MGAM2: variants seen among roughly 807,000 people sequenced by gnomAD.
The protein encoded by MGAM2 is probable maltase-glucoamylase 2.
A neutral mutation model predicts 96.1 loss-of-function variants in MGAM2; 98 were observed. That is an observed-to-expected ratio of 1.02 (90% confidence interval 0.87 to 1.21). The LOEUF is 1.21. MGAM2 is among the 50% of genes most tolerant of loss of function. The pLI is 0.00. For missense variants in MGAM2, 2,055 were observed against 1,182.4 expected, an observed-to-expected ratio of 1.74 and a Z score of -10.82; for synonymous variants, 749 against 414.8, an observed-to-expected ratio of 1.81 and a Z score of -9.79.
chr7:142,143,742 T>C, intron 12 of MGAM2, 27 bp from the exon 13 acceptor site: 2 of 549,728 alleles, frequency 3.6e-6, no homozygotes, highest in East Asian at 2.9e-5. Flanking sequence ...ACCAAGCTGA[T>C]TGCCACTGCC....
At position 142,140,782 on chromosome 7, in the gene MGAM2, T is replaced by C. The variant is rs1396333252; in HGVS notation, c.1087-20T>C. ...ACAGTGCTGTTTCCTAGGTTCTGAT[T>C]GACCAGAGCTCTCTTTCAGGATGTC... On this transcript the variant is annotated intron_variant, in intron 10 of 47. Coordinates refer to ENST00000477922, the MANE Select transcript of MGAM2 (RefSeq NM_001293626.2). 5.7e-6 allele frequency: 4 copies of C among 698,304 alleles called. No homozygotes were observed. The highest frequency in any genetic ancestry group is 1.0e-5 in the Non-Finnish European group (4 of 383,584). 43.3% of individuals were successfully genotyped at this position (698,304 alleles called of 1,614,324 possible).
intron 12 of MGAM2, among the ~76,000 whole-genome samples, chr7:142,141,943 G>A (rs1795243214): frequency 6.6e-6 from 1 of 152,112 alleles, no homozygotes; most frequent in Non-Finnish European, 1.5e-5. Flanking sequence ...AATCACATAG[G>A]CAATTTCAAT....
At chr7:142,146,148 T>A (rs1036765682) in intron 14 of MGAM2, among the ~76,000 whole-genome samples, 1 of 150,048 alleles carries the variant, frequency 6.7e-6, no homozygotes, top group Admixed American at 6.7e-5. Flanking sequence ...TCATGTTTTT[T>A]TTTTTTTTTT....
At chr7:142,115,144 G>C (rs1817345385) in intron 1 of MGAM2, among the ~76,000 whole-genome samples, 1 of 152,212 alleles carries the variant, frequency 6.6e-6, no homozygotes, top group Admixed American at 6.5e-5. Flanking sequence ...TTGAACCTGG[G>C]AGGTGGAGGT....
intron 28 of MGAM2, 116 bp downstream of exon 28, chr7:142,171,556 G>T (rs182872429): frequency 1.4e-5 from 7 of 508,688 alleles, no homozygotes; most frequent in African/African-American, 6.5e-5. Flanking sequence ...GATAAATTCC[G>T]CTCTCAGTTG....
At chr7:142,119,880 T>G (rs1467511485) in intron 2 of MGAM2, among the ~76,000 whole-genome samples, 1 of 152,168 alleles carries the variant, frequency 6.6e-6, no homozygotes, top group Non-Finnish European at 1.5e-5. Flanking sequence ...AATAGATGAG[T>G]GTTTGCCAGG....
chr7:142,149,937 T>C (rs1259980899), intron 15 of MGAM2, among the ~76,000 whole-genome samples: 2 of 151,594 alleles, frequency 1.3e-5, no homozygotes, highest in Admixed American at 6.6e-5. Context: ...TTTTTGAAGC[T>C]GTTAAATTCT....
chr7:142,120,078 A>G (rs1394413559), intron 2 of MGAM2, among the ~76,000 whole-genome samples: 1 of 152,248 alleles, frequency 6.6e-6, no homozygotes, highest in Non-Finnish European at 1.5e-5. Flanking sequence ...AAAAGCAAAC[A>G]AAGTAGAAAT....
At chr7:142,208,250 T>C in intron 45 of MGAM2, 1 of 499,618 alleles carries the variant, frequency 2.0e-6, no homozygotes, top group Middle Eastern at 3.0e-4. Context: ...TGAACTCCTA[T>C]GACTACATGC....
chr7:142,154,072 T>C lies in MGAM2; in HGVS notation c.1689T>C (p.Thr563=). 1 of 696,382 alleles carries C rather than the reference T, an allele frequency of 1.4e-6. No individual in the cohort carries two copies. The highest frequency in any genetic ancestry group is 2.6e-6 in the Non-Finnish European group (1 of 380,266). 43.1% of individuals were successfully genotyped at this position (696,382 alleles called of 1,614,324 possible). A position where few individuals can be genotyped will look rare whatever the true frequency, so the allele number is the denominator to read the frequency against. ...NNRSFILSRS[T]FAGSGKFAAH... ...GGAGCTTCATCTTATCCCGTTCTAC[T>C]TTTGCTGGATCTGGCAAATTTGCTG... The change falls in exon 16 of 48, where the codon ACT becomes ACC. Residue 563 remains threonine (T), a synonymous_variant. Transcript: ENST00000477922.
At chr7:142,161,325 T>A in intron 22 of MGAM2, 112 bp downstream of exon 22, 1 of 545,238 alleles carries the variant, frequency 1.8e-6, no homozygotes, top group South Asian at 2.7e-5. Flanking sequence ...CGTTTACATC[T>A]GTAGCTGAGA....
intron 31 of MGAM2, 69 bp from the exon 32 acceptor site, chr7:142,175,583 A>T: frequency 3.0e-6 from 2 of 675,798 alleles, no homozygotes; most frequent in Non-Finnish European, 5.3e-6. Context: ...GGGGCCTGGC[A>T]GAGCAGTTAA....
At chr7:142,203,808 C>G (rs144892407) in intron 45 of MGAM2, among the ~76,000 whole-genome samples, 71 of 152,190 alleles carry the variant, frequency 4.7e-4, no homozygotes, top group African/African-American at 1.6e-3. Context: ...AAGAATGAAA[C>G]TGAACCCTTA....
intron 1 of MGAM2, among the ~76,000 whole-genome samples, chr7:142,114,411 T>C (rs1817317119): frequency 6.6e-6 from 1 of 151,662 alleles, no homozygotes; most frequent in African/African-American, 2.4e-5. Flanking sequence ...GCATTTCCAG[T>C]GGAATGCAGA....
At position 142,147,451 on chromosome 7, in the gene MGAM2, T is replaced by C. The variant is rs1203841231; in HGVS notation, c.1517-5T>C. 1.4e-6 allele frequency: 1 copy of C among 700,580 alleles called. No homozygotes were observed. Among genetic ancestry groups the C allele is most frequent in the Non-Finnish European group, 2.6e-6 (1 of 384,282 alleles). The allele number at this position is 700,580 out of a possible 1,614,324, so 43.4% of individuals were successfully genotyped here. A position where few individuals can be genotyped will look rare whatever the true frequency, so the allele number is the denominator to read the frequency against. ...AGTGCCTCACTAATGAGTATTTCCC[T>C]CCAGGAGTTCTGGATCACTTACTTT... On this transcript the variant is annotated splice_polypyrimidine_tract_variant and splice_region_variant and intron_variant, in intron 14 of 47. Coordinates refer to ENST00000477922, the MANE Select transcript of MGAM2 (RefSeq NM_001293626.2).
chr7:142,138,767 G>C (rs1013674516), intron 10 of MGAM2, 100 bp downstream of exon 10: 2 of 617,804 alleles, frequency 3.2e-6, no homozygotes, highest in East Asian at 5.6e-5. Context: ...TAAATCATTA[G>C]ATTGATAGAC....
chr7:142,177,338 A>G (rs570250865), intron 32 of MGAM2, among the ~76,000 whole-genome samples: 1 of 152,260 alleles, frequency 6.6e-6, no homozygotes, highest in Admixed American at 6.5e-5. Context: ...GCAGGGAAAG[A>G]CCTGCCCCCG....
rs116401421 is a variant in MGAM2, at chr7:142,160,391, C to A, written c.2345+133C>A. Reference sequence around the variant, plus strand: ...ACCCATCAGTAATCTTCCCCCACTCCTTTCAAAATTGATCCAAAATTGGCA... The same window carrying A: ...ACCCATCAGTAATCTTCCCCCACTCATTTCAAAATTGATCCAAAATTGGCA... On this transcript the variant is annotated intron_variant, in intron 21 of 47. Coordinates refer to ENST00000477922, the MANE Select transcript of MGAM2 (RefSeq NM_001293626.2). The A allele has an allele frequency of 5.8e-3, 3,245 of 558,748 alleles. 84 individuals are homozygous for A. The highest frequency in any genetic ancestry group is 0.054 in the African/African-American group (2,860 of 53,022). The allele number at this position is 558,748 out of a possible 1,614,324, so 34.6% of individuals were successfully genotyped here. A position where few individuals can be genotyped will look rare whatever the true frequency, so the allele number is the denominator to read the frequency against.
chr7:142,189,662 T>C (rs1232710553), intron 37 of MGAM2, among the ~76,000 whole-genome samples, 157 bp downstream of exon 37: 3 of 152,252 alleles, frequency 2.0e-5, no homozygotes, highest in African/African-American at 4.8e-5. Context: ...TCTGAGCGCA[T>C]TTATCAAGTG....
Sources: gnomAD v4.1 joint callset for allele counts (sites outside exome capture counted in the v4.1 genomes callset) on GRCh38, gnomAD v4.1.1 for gene constraint, MANE v1.5 for transcripts, NCBI Gene and HGNC (gene_info 2026-07-23, HGNC 2026-07-21) for gene names.